RIN3: variants seen among roughly 807,000 people sequenced by gnomAD.
The protein encoded by RIN3 is Ras and Rab interactor 3.
Under a neutral mutation model 76.3 loss-of-function variants are expected in RIN3, and 54 were observed. The ratio of observed to expected loss-of-function variants is 0.71; its 90% CI spans 0.57 to 0.89. The LOEUF (loss-of-function observed/expected upper bound fraction) is 0.89, where lower values mean the gene tolerates loss of function less well. Among genes scored for constraint, RIN3 ranks in the 40% least tolerant of loss-of-function variants. RIN3 has a pLI of 0.00. For missense variants in RIN3, 1,256 were observed against 1,322.1 expected, an observed-to-expected ratio of 0.95 and a Z score of 0.78; for synonymous variants, 576 against 564.0, an observed-to-expected ratio of 1.02 and a Z score of -0.30.
At chr14:92,606,638 C>T (rs1256859043) in intron 3 of RIN3, among the ~76,000 whole-genome samples, 3 of 152,024 alleles carry the variant, frequency 2.0e-5, no homozygotes, top group Non-Finnish European at 4.4e-5. Context: ...TGGAAATAAC[C>T]AATAAACACA....
chr14:92,600,717 A>G (rs967969664), intron 3 of RIN3, among the ~76,000 whole-genome samples: 1 of 152,160 alleles, frequency 6.6e-6, no homozygotes, highest in Admixed American at 6.5e-5. Context: ...TCACTCAAGG[A>G]GCACAAACTG....
intron 3 of RIN3, among the ~76,000 whole-genome samples, chr14:92,593,422 G>T (rs114087979): frequency 6.5e-4 from 98 of 151,626 alleles, no homozygotes; most frequent in African/African-American, 2.2e-3. Flanking sequence ...CTGTCTACAA[G>T]AAACCCACTT....
chr14:92,664,021 A>G (rs758359404), intron 7 of RIN3, among the ~76,000 whole-genome samples: 68 of 152,114 alleles, frequency 4.5e-4, no homozygotes, highest in Non-Finnish European at 8.5e-4. Context: ...AGATGTTAGG[A>G]TACAGGAACA....
At position 92,623,985 on chromosome 14, in the gene RIN3, G is replaced by C. The variant is rs888884750; in HGVS notation, c.440+8506G>C. Among the ~76,000 whole-genome samples the C allele has an allele frequency of 5.3e-5, 8 of 152,234 alleles. No individual in the cohort carries two copies. The highest frequency in any genetic ancestry group is 8.8e-5 in the Non-Finnish European group (6 of 68,042). ...TCCCAGGCTGTAGGGTGTTGGAAAA[G>C]AGCCACCATGCAGCCCATGCCCGGT... On this transcript the variant is annotated intron_variant, in intron 4 of 9. Coordinates refer to ENST00000216487, the MANE Select transcript of RIN3 (RefSeq NM_024832.5). This position sits in a 1 kb window ranked among gnomAD's most constrained non-coding sequence, Gnocchi z 4.9.
intron 2 of RIN3, among the ~76,000 whole-genome samples, chr14:92,564,852 G>A (rs775395756): frequency 2.0e-5 from 3 of 152,238 alleles, no homozygotes; most frequent in Non-Finnish European, 4.4e-5. Flanking sequence ...AGCTGACTCA[G>A]CAAGGCCCCA....
intron 3 of RIN3, among the ~76,000 whole-genome samples, chr14:92,600,648 T>C (rs575555051): frequency 1.8e-4 from 28 of 152,324 alleles, no homozygotes; most frequent in Admixed American, 1.7e-3. Context: ...GGGTACCCAC[T>C]GTGTGCCAGG....
intron 2 of RIN3, among the ~76,000 whole-genome samples, chr14:92,575,716 G>A (rs1240733457): frequency 6.6e-6 from 1 of 152,078 alleles, no homozygotes; most frequent in Non-Finnish European, 1.5e-5. Flanking sequence ...GACGACCAGA[G>A]GTCACTTTGG....
chr14:92,628,707 A>G (rs1189242389), intron 4 of RIN3, among the ~76,000 whole-genome samples: 1 of 152,204 alleles, frequency 6.6e-6, no homozygotes, highest in African/African-American at 2.4e-5. Context: ...AATTTAGCAT[A>G]AGAAAAGAAG....
chr14:92,676,427 C>T, intron 7 of RIN3, 48 bp from the exon 8 acceptor site: 1 of 1,601,592 alleles, frequency 6.2e-7, no homozygotes, highest in Non-Finnish European at 8.5e-7. Context: ...GAGCATCTCA[C>T]AAGGAGAGCC....
chr14:92,675,027 C>T (rs1280629996), intron 7 of RIN3, among the ~76,000 whole-genome samples: 2 of 152,192 alleles, frequency 1.3e-5, no homozygotes. Context: ...CCAGGCATGT[C>T]TCTCTATGTC....
rs970093415 is a variant in RIN3, at chr14:92,685,441, T to G, written c.2631+291T>G. On this transcript the variant is annotated intron_variant, in intron 9 of 9. Coordinates refer to ENST00000216487, the MANE Select transcript of RIN3 (RefSeq NM_024832.5). The surrounding 1 kb of genome is among the most constrained non-coding windows in gnomAD (Gnocchi z 4.7). ...ACACCCATCATTCCTTAGCCCCTCC[T>G]AGGACCCAGCACCCTGCAGGGGCTG... 8.9e-5 allele frequency: 34 copies of G among 381,686 alleles called. No homozygotes were observed. The highest frequency in any genetic ancestry group is 2.9e-5 in the Non-Finnish European group (6 of 204,326). 23.6% of individuals were successfully genotyped at this position (381,686 alleles called of 1,614,324 possible).
intron 6 of RIN3, 127 bp downstream of exon 6, chr14:92,653,202 G>T: frequency 1.9e-6 from 2 of 1,031,406 alleles, no homozygotes; most frequent in Non-Finnish European, 2.7e-6. Flanking sequence ...CCCTTCCTGG[G>T]CACCAGGAAC....
In RIN3 at chr14:92,643,097, A is replaced by G. The variant is rs1161830991; in HGVS notation, c.532+1768A>G. 1.3e-5 allele frequency among the ~76,000 whole-genome samples: 2 copies of G among 151,982 alleles called. No homozygotes were observed. Among genetic ancestry groups the G allele is most frequent in the Non-Finnish European group, 2.9e-5 (2 of 68,004 alleles). ...GAGATGGAGTCTCACTCTGTCACCCAGGCTGGAGTGCAGTGGTGCGATCTT... is the reference window on the plus strand; with the variant it reads ...GAGATGGAGTCTCACTCTGTCACCCGGGCTGGAGTGCAGTGGTGCGATCTT... On this transcript the variant is annotated intron_variant, in intron 5 of 9. Coordinates refer to ENST00000216487, the MANE Select transcript of RIN3 (RefSeq NM_024832.5). This position sits in a 1 kb window ranked among gnomAD's most constrained non-coding sequence, Gnocchi z 4.8.
intron 4 of RIN3, among the ~76,000 whole-genome samples, chr14:92,635,349 C>T (rs1886737276): frequency 6.6e-6 from 1 of 152,184 alleles, no homozygotes; most frequent in Non-Finnish European, 1.5e-5. Flanking sequence ...GGGGTGTTTA[C>T]TGTCTTTTAT....
Position 92,651,971 on chromosome 14 carries a change from G to T in RIN3, c.922G>T (p.Ala308Ser). The T allele has an allele frequency of 1.4e-6, 2 of 1,418,622 alleles. No individual in the cohort carries two copies. Among genetic ancestry groups the T allele is most frequent in the Admixed American group, 2.3e-5 (1 of 44,234 alleles). 87.9% of individuals were successfully genotyped at this position (1,418,622 alleles called of 1,614,324 possible). A position where few individuals can be genotyped will look rare whatever the true frequency, so the allele number is the denominator to read the frequency against. Residue 308 changes from alanine to serine, a missense_variant, in exon 6 of 10, where the codon GCC becomes TCC. Around this residue, in one of 3 missense-constraint regions of RIN3, gnomAD observed 610 missense variants for 626.4 expected, o/e 0.97. Transcript: ENST00000216487. ...PVLPALAPAP[A>S]CPLPTSPPVP... The stretch of plus-strand genomic sequence containing the variant: ...GCTCCCTGCTCTTGCCCCCGCCCCT[G>T]CCTGTCCTTTGCCCACCTCTCCCCC...
intron 2 of RIN3, among the ~76,000 whole-genome samples, chr14:92,556,257 A>G (rs1203792424): frequency 6.6e-6 from 1 of 152,126 alleles, no homozygotes; most frequent in Non-Finnish European, 1.5e-5. Context: ...TGATGCAGTC[A>G]GGAGGACCAT....
At chr14:92,520,750 T>C (rs752367030) in intron 1 of RIN3, among the ~76,000 whole-genome samples, 3 of 152,184 alleles carry the variant, frequency 2.0e-5, no homozygotes, top group Non-Finnish European at 4.4e-5. Context: ...GGGCTTTGCA[T>C]CTGAAATTCA....
chr14:92,609,062 C>T (rs774434622), intron 3 of RIN3, among the ~76,000 whole-genome samples: 8 of 152,086 alleles, frequency 5.3e-5, no homozygotes, highest in Non-Finnish European at 1.2e-4. Context: ...ACCCAACTCC[C>T]CAAAGTCCGT....
chr14:92,687,580 T>G, intron 9 of RIN3: 1 of 321,534 alleles, frequency 3.1e-6, no homozygotes, highest in Non-Finnish European at 5.8e-6. Flanking sequence ...GCGCCTGGGG[T>G]GCAGGGAACT....
Sources: gnomAD v4.1 joint callset for allele counts (sites outside exome capture counted in the v4.1 genomes callset) on GRCh38, gnomAD v4.1.1 for gene constraint, gnomAD v4.1.1 regional missense constraint, Gnocchi (gnomAD v3.1) non-coding constraint, MANE v1.5 for transcripts, NCBI Gene and HGNC (gene_info 2026-07-23, HGNC 2026-07-21) for gene names.